The following ACTR3 variants were observed in gnomAD, a reference collection of about 807,000 sequenced individuals.
ACTR3 encodes the protein actin related protein 3, also known as actin-related protein 3.
Under a neutral mutation model 56.8 loss-of-function variants are expected in ACTR3, and 12 were observed. That is an observed-to-expected ratio of 0.21 (90% confidence interval 0.14 to 0.34). The LOEUF is 0.34. ACTR3 is among the 10% of genes least tolerant of loss of function. ACTR3 has a pLI of 1.00. For missense variants in ACTR3, 282 were observed against 512.5 expected, an observed-to-expected ratio of 0.55 and a Z score of 4.34; for synonymous variants, 162 against 167.4, an observed-to-expected ratio of 0.97 and a Z score of 0.25.
chr2:113,893,092 A>T (rs746167996), intron 1 of ACTR3, among the ~76,000 whole-genome samples: 2 of 152,184 alleles, frequency 1.3e-5, no homozygotes, highest in Non-Finnish European at 2.9e-5. Context: ...GGGCACATAG[A>T]TTCCCATTGG....
intron 1 of ACTR3, among the ~76,000 whole-genome samples, chr2:113,898,122 TTA>T (rs1679042530): frequency 6.6e-6 from 1 of 151,986 alleles, no homozygotes; most frequent in African/African-American, 2.4e-5. Context: ...GTTTTTAGTA[TTA>T]GTGTATGACA....
intron 3 of ACTR3, 42 bp from the exon 4 acceptor site, chr2:113,927,303 A>G: frequency 7.6e-7 from 1 of 1,311,820 alleles, no homozygotes; most frequent in Non-Finnish European, 1.0e-6. Context: ...TGTTTTTTAT[A>G]TTAATAAGAT....
At position 113,962,143 on chromosome 2, in the gene ACTR3, A is replaced by G. The variant is rs1334648009; in HGVS notation, c.*4688A>G. 5 of 151,982 alleles carry G rather than the reference A, an allele frequency of 3.3e-5. No homozygotes were observed. The highest frequency in any genetic ancestry group is 1.2e-4 in the African/African-American group (5 of 41,410). The allele number at this position is 151,982 out of a possible 1,614,324, so 9.4% of individuals were successfully genotyped here. A position where few individuals can be genotyped will look rare whatever the true frequency, so the allele number is the denominator to read the frequency against. On this transcript the variant is annotated 3_prime_UTR_variant, in exon 12 of 12. Coordinates refer to ENST00000263238, the MANE Select transcript of ACTR3 (RefSeq NM_005721.5). Reference sequence around the variant, plus strand: ...CATATTTGTCAAATATGACCGAATTACGACTTTTTTTCTGTTCCACTAGTT... The same window carrying G: ...CATATTTGTCAAATATGACCGAATTGCGACTTTTTTTCTGTTCCACTAGTT...
Position 113,890,227 on chromosome 2 carries a change from C to A in ACTR3, c.-53C>A, listed in dbSNP as rs1678857374. ...TTGTCTCCCGCCGCCAATCTCTGGC[C>A]CCTAGCAGCACGGAGCAGACGGCGG... On this transcript the variant is annotated 5_prime_UTR_variant, in exon 1 of 12. Coordinates refer to ENST00000263238, the MANE Select transcript of ACTR3 (RefSeq NM_005721.5). 1.9e-6 allele frequency: 3 copies of A among 1,550,594 alleles called. No homozygotes were observed. Among genetic ancestry groups the A allele is most frequent in the Non-Finnish European group, 2.6e-6 (3 of 1,146,190 alleles).
chr2:113,911,022 A>G (rs1374412262), intron 1 of ACTR3, among the ~76,000 whole-genome samples: 1 of 152,168 alleles, frequency 6.6e-6, no homozygotes, highest in Non-Finnish European at 1.5e-5. Flanking sequence ...TTTGTATTAA[A>G]CAAGTTTTTA....
chr2:113,944,584 T>TG (rs1679983205), intron 8 of ACTR3, among the ~76,000 whole-genome samples: 1 of 57,992 alleles, frequency 1.7e-5, no homozygotes, highest in Non-Finnish European at 3.0e-5. Context: ...CCGTCTCTAC[T>TG]AAAAAAAAAA....
At chr2:113,918,331 C>A (rs1413827988) in intron 3 of ACTR3, among the ~76,000 whole-genome samples, 2 of 150,706 alleles carry the variant, frequency 1.3e-5, no homozygotes, top group East Asian at 3.9e-4. Context: ...ATTTTGATTT[C>A]TTCGTCTGTA....
chr2:113,957,819 A>C lies in ACTR3; in HGVS notation c.*364A>C, dbSNP rs1267560004. The C allele has an allele frequency of 6.0e-6, 1 of 166,428 alleles. No homozygotes were observed. The highest frequency in any genetic ancestry group is 1.3e-5 in the Non-Finnish European group (1 of 77,288). 10.3% of individuals were successfully genotyped at this position (166,428 alleles called of 1,614,324 possible). A position where few individuals can be genotyped will look rare whatever the true frequency, so the allele number is the denominator to read the frequency against. ...TTGTACACTTCTAAGTGTGCAGTGC[A>C]AGAGCTTGTTTATATTTCATACTTT... On this transcript the variant is annotated 3_prime_UTR_variant, in exon 12 of 12. Transcript: ENST00000263238.
At chr2:113,931,431 A>G (rs1574371077) in intron 5 of ACTR3, 35 bp downstream of exon 5, 1 of 1,431,578 alleles carries the variant, frequency 7.0e-7, no homozygotes, top group Non-Finnish European at 9.4e-7. Flanking sequence ...TTTGATTCTT[A>G]CATTTTAACC....
chr2:113,890,290 G>T lies in ACTR3; in HGVS notation c.11G>T (p.Arg4Leu). MAG[R>L]LPACVVDCGT... is the part of the protein sequence containing the mutation. ...CAGGCGAGGAGGAAGATGGCGGGAC[G>T]GCTGCCGGCCTGTGTGGTGGACTGT... Residue 4 changes from arginine to leucine, a missense_variant, in exon 1 of 12, where the codon CGG (arginine) becomes CTG (leucine). By Grantham distance (102) the Arg-to-Leu change is moderately radical. Transcript: ENST00000263238. The T allele has an allele frequency of 6.4e-7, 1 of 1,550,868 alleles. No individual in the cohort carries two copies. The highest frequency in any genetic ancestry group is 1.4e-5 in the African/African-American group (1 of 72,936).
chr2:113,907,975 CCAAAAAAAA>C (rs954478880), intron 1 of ACTR3, among the ~76,000 whole-genome samples: 1 of 122,236 alleles, frequency 8.2e-6, no homozygotes, highest in African/African-American at 3.4e-5. Context: ...ACTCTGTCCC[CCAAAAAAAA>C]AAAAAAAAAA....
chr2:113,935,996 TA>T (rs1679817967), intron 6 of ACTR3, among the ~76,000 whole-genome samples: 1 of 152,068 alleles, frequency 6.6e-6, no homozygotes. Context: ...GTAAGGACAT[TA>T]AGAGTGGGTA....
At chr2:113,900,803 C>T (rs1413119011) in intron 1 of ACTR3, among the ~76,000 whole-genome samples, 1 of 152,152 alleles carries the variant, frequency 6.6e-6, no homozygotes, top group Non-Finnish European at 1.5e-5. Flanking sequence ...CTTGAAGGGA[C>T]CAGGAGAATG....
At chr2:113,945,858 T>C (rs755440506) in intron 8 of ACTR3, among the ~76,000 whole-genome samples, 1 of 152,204 alleles carries the variant, frequency 6.6e-6, no homozygotes, top group Non-Finnish European at 1.5e-5. Context: ...TGTTTACTTA[T>C]CATTTAGCTT....
At chr2:113,890,392 G>A (rs1678862737) in intron 1 of ACTR3, 69 bp downstream of exon 1, 2 of 1,421,518 alleles carry the variant, frequency 1.4e-6, no homozygotes, top group Non-Finnish European at 1.9e-6. Flanking sequence ...GGAGGGAGGA[G>A]GCCGGGAAAT....
intron 3 of ACTR3, among the ~76,000 whole-genome samples, chr2:113,922,574 TAGA>T (rs368695293): frequency 1.3e-4 from 20 of 151,862 alleles, no homozygotes; most frequent in African/African-American, 4.8e-4. Context: ...AGGAACAGAG[TAGA>T]AGAGTAAAGG....
chr2:113,900,958 C>T (rs1679088152), intron 1 of ACTR3, among the ~76,000 whole-genome samples: 1 of 152,226 alleles, frequency 6.6e-6, no homozygotes, highest in Admixed American at 6.5e-5. Context: ...TGCTGTTTAT[C>T]TTTATAGCTA....
intron 10 of ACTR3, chr2:113,952,404 T>G (rs1335209960): frequency 1.3e-5 from 2 of 152,202 alleles, no homozygotes; most frequent in African/African-American, 2.4e-5. Flanking sequence ...TATTTAGAGA[T>G]AGATTCTTCA....
chr2:113,958,876 GT>G lies in ACTR3; in HGVS notation c.*1424del, dbSNP rs2104636451. The G allele has an allele frequency of 6.6e-6, 1 of 152,040 alleles. No homozygotes were observed. Among genetic ancestry groups the G allele is most frequent in the Non-Finnish European group, 1.5e-5 (1 of 67,876 alleles). 9.4% of individuals were successfully genotyped at this position (152,040 alleles called of 1,614,324 possible). Reference sequence around the variant, plus strand: ...ATTCAAAAGTGAAAGAATATAAAGTGTTTAGTTTTTTGTTTTTACTCTAAAG... The same window carrying G: ...ATTCAAAAGTGAAAGAATATAAAGTGTTAGTTTTTTGTTTTTACTCTAAAG... On this transcript the variant is annotated 3_prime_UTR_variant, in exon 12 of 12. Coordinates refer to ENST00000263238, the MANE Select transcript of ACTR3 (RefSeq NM_005721.5).
Sources: gnomAD v4.1 joint callset for allele counts (sites outside exome capture counted in the v4.1 genomes callset) on GRCh38, gnomAD v4.1.1 for gene constraint, MANE v1.5 for transcripts, NCBI Gene and HGNC (gene_info 2026-07-23, HGNC 2026-07-21) for gene names.